Variants in DLG2 observed in about 807,000 individuals in gnomAD.
DLG2 encodes disks large homolog 2.
In DLG2, 45 loss-of-function variants were observed where a neutral mutation model predicts 132.5. The observed-to-expected ratio is 0.34, with a 90% CI of 0.27 to 0.44. The LOEUF is 0.44. Among genes scored for constraint, DLG2 ranks in the 20% least tolerant of loss-of-function variants. The pLI is 1.00. For missense variants in DLG2, 1,045 were observed against 1,196.9 expected (o/e 0.87, Z 1.87); for synonymous variants, 424 against 419.6 (o/e 1.01, Z -0.13).
intron 6 of DLG2, among the ~76,000 whole-genome samples, chr11:84,927,956 C>T (rs890932116): frequency 1.3e-5 from 2 of 151,868 alleles, no homozygotes; most frequent in Admixed American, 6.6e-5. Flanking sequence ...ACAAGCCCTC[C>T]AGGTGATTTT....
At chr11:85,427,218 G>A (rs1303194979) in intron 3 of DLG2, among the ~76,000 whole-genome samples, 4 of 152,200 alleles carry the variant, frequency 2.6e-5, no homozygotes, top group Non-Finnish European at 5.9e-5. Flanking sequence ...TATTATCCAG[G>A]AGAACTTCCC....
intron 6 of DLG2, among the ~76,000 whole-genome samples, chr11:84,817,196 T>C (rs1196510826): frequency 6.6e-6 from 1 of 152,044 alleles, no homozygotes; most frequent in Non-Finnish European, 1.5e-5. Context: ...GATGCTTACA[T>C]TGTGCAGGAA....
At chr11:84,240,024 C>G (rs752237066) in intron 8 of DLG2, among the ~76,000 whole-genome samples, 1 of 152,198 alleles carries the variant, frequency 6.6e-6, no homozygotes, top group African/African-American at 2.4e-5. Flanking sequence ...ATGGCTCAGT[C>G]TCCCTTTGCA....
intron 3 of DLG2, among the ~76,000 whole-genome samples, chr11:85,576,972 A>G (rs141961590): frequency 1.3e-5 from 2 of 152,270 alleles, no homozygotes; most frequent in East Asian, 3.9e-4. Context: ...GCTCTGAAGC[A>G]GAAAGTTTAT....
intron 20 of DLG2, among the ~76,000 whole-genome samples, chr11:83,538,945 T>C (rs7924348): frequency 0.37 from 56,616 of 152,046 alleles, 10,683 homozygotes; most frequent in Middle Eastern, 0.48. Context: ...CAAGATTTCA[T>C]ATGTCTTAAG....
intron 7 of DLG2, among the ~76,000 whole-genome samples, chr11:84,252,687 T>C (rs1269676740): frequency 3.3e-5 from 5 of 152,236 alleles, no homozygotes; most frequent in Admixed American, 1.3e-4. Context: ...TCTAACTTCA[T>C]GAATATTGAG....
intron 6 of DLG2, among the ~76,000 whole-genome samples, chr11:84,561,011 C>A (rs114938955): frequency 5.3e-4 from 81 of 152,062 alleles, no homozygotes; most frequent in African/African-American, 1.9e-3. Flanking sequence ...GGTGTTTGGT[C>A]TGGTATGGGG....
chr11:84,066,577 T>C (rs1013189052), intron 10 of DLG2, among the ~76,000 whole-genome samples: 2 of 152,070 alleles, frequency 1.3e-5, no homozygotes. Flanking sequence ...CTGGCCAACA[T>C]GATGAAATCC....
At chr11:84,515,783 A>T (rs1220722265) in intron 7 of DLG2, among the ~76,000 whole-genome samples, 1 of 151,898 alleles carries the variant, frequency 6.6e-6, no homozygotes, top group African/African-American at 2.4e-5. Context: ...TGCAGGATAT[A>T]CATCTTTTTT....
chr11:85,259,299 A>G (rs1414295926), intron 4 of DLG2, among the ~76,000 whole-genome samples: 3 of 152,118 alleles, frequency 2.0e-5, no homozygotes, highest in Non-Finnish European at 4.4e-5. Context: ...TTGAAGATGC[A>G]TCTGCTTCCC....
At chr11:84,174,290 C>T (rs2095894818) in intron 8 of DLG2, among the ~76,000 whole-genome samples, 1 of 151,960 alleles carries the variant, frequency 6.6e-6, no homozygotes, top group African/African-American at 2.4e-5. Flanking sequence ...TTTTCAACAT[C>T]AATCTATTCT....
intron 6 of DLG2, among the ~76,000 whole-genome samples, chr11:85,068,937 C>A (rs1311049078): frequency 6.6e-6 from 1 of 152,156 alleles, no homozygotes; most frequent in Non-Finnish European, 1.5e-5. Flanking sequence ...CAGCATGGTA[C>A]TGGTACCAAA....
chr11:84,173,893 C>T (rs1414316048), intron 8 of DLG2, among the ~76,000 whole-genome samples: 1 of 152,058 alleles, frequency 6.6e-6, no homozygotes, highest in Admixed American at 6.6e-5. Context: ...AGTCTCCTCC[C>T]TACTGCTCTG....
intron 4 of DLG2, among the ~76,000 whole-genome samples, chr11:85,276,834 C>T (rs2077920877): frequency 6.6e-6 from 1 of 152,060 alleles, no homozygotes; most frequent in Non-Finnish European, 1.5e-5. Flanking sequence ...CATATTACAG[C>T]TGTGTAAATA....
rs144100615 is a variant in DLG2 at position 85,371,812 on chromosome 11, G to A, written c.41-86447C>T. On this transcript the variant is annotated intron_variant, in intron 3 of 27. Coordinates refer to ENST00000376104, the MANE Select transcript of DLG2 (RefSeq NM_001142699.3). ...GGCTTGGTTTTAAAAGGTCTTATCC[G>A]TGATTCCTTGTGGTACACACTTCCA... Among the ~76,000 whole-genome samples the A allele has an allele frequency of 2.1e-3, 320 of 152,294 alleles. 2 individuals are homozygous for A. The highest frequency in any genetic ancestry group is 6.7e-3 in the African/African-American group (279 of 41,566).
chr11:83,808,464 A>C (rs1554984384), intron 17 of DLG2, among the ~76,000 whole-genome samples: 1 of 152,152 alleles, frequency 6.6e-6, no homozygotes, highest in Non-Finnish European at 1.5e-5. Context: ...CAAGGGCAGC[A>C]GTCATCCAGA....
intron 15 of DLG2, among the ~76,000 whole-genome samples, chr11:83,908,396 C>T (rs1027480192): frequency 1.3e-5 from 2 of 151,886 alleles, no homozygotes; most frequent in Non-Finnish European, 2.9e-5. Flanking sequence ...TTCTCAGCAC[C>T]TCCTGAAGCA....
chr11:84,589,874 C>A (rs1337841488), intron 6 of DLG2, among the ~76,000 whole-genome samples: 5 of 152,160 alleles, frequency 3.3e-5, no homozygotes, highest in Non-Finnish European at 7.3e-5. Context: ...TTTTAAAACT[C>A]ATTTCTTACA....
intron 6 of DLG2, among the ~76,000 whole-genome samples, chr11:84,648,619 T>C (rs1171770557): frequency 6.6e-6 from 1 of 152,080 alleles, no homozygotes; most frequent in Non-Finnish European, 1.5e-5. Context: ...CACTGCTGGG[T>C]GCCTTCCTTT....
Sources: allele counts gnomAD v4.1 joint callset (sites outside exome capture counted in the v4.1 genomes callset), GRCh38; gene constraint gnomAD v4.1.1; transcripts MANE v1.5; gene names NCBI Gene and HGNC (gene_info 2026-07-23, HGNC 2026-07-21).